Variants in KCNJ18 observed in about 807,000 individuals in gnomAD.
The protein encoded by KCNJ18 is potassium inwardly rectifying channel subfamily J member 18.
Under a neutral mutation model 17.3 loss-of-function variants are expected in KCNJ18, and 16 were observed. The ratio of observed to expected loss-of-function variants is 0.92; its 90% confidence interval spans 0.62 to 1.40. KCNJ18 has a LOEUF of 1.40. Ranked by LOEUF, KCNJ18 falls within the 40% of genes most tolerant of loss-of-function variation. The probability of loss-of-function intolerance (pLI) is 0.00; values close to 1 mark genes in which losing one functional copy is unlikely to be tolerated. For missense variants in KCNJ18, 462 were observed against 626.8 expected (o/e 0.74, Z 2.81); for synonymous variants, 185 against 262.6 (o/e 0.70, Z 2.86).
chr17:21,694,912 C>A (rs1302085598), intron 1 of KCNJ18, among the ~76,000 whole-genome samples: 1 of 152,162 alleles, frequency 6.6e-6, no homozygotes, highest in African/African-American at 2.4e-5. Flanking sequence ...TCCCTCTATC[C>A]ATTCACTTCT....
intron 2 of KCNJ18, among the ~76,000 whole-genome samples, chr17:21,696,893 A>C (rs1232742825): frequency 6.6e-6 from 1 of 152,176 alleles, no homozygotes; most frequent in Admixed American, 6.5e-5. Context: ...GTTCCAGCGC[A>C]AGTAGTTTCC....
At chr17:21,700,220 G>A (rs1300259799) in intron 2 of KCNJ18, among the ~76,000 whole-genome samples, 1 of 148,528 alleles carries the variant, frequency 6.7e-6, no homozygotes, top group Non-Finnish European at 1.5e-5. Context: ...GGGGAAGGAC[G>A]GCAGAGTAAG....
chr17:21,702,347 T>C (rs1368963747), intron 2 of KCNJ18, among the ~76,000 whole-genome samples: 1 of 152,016 alleles, frequency 6.6e-6, no homozygotes, highest in Non-Finnish European at 1.5e-5. Flanking sequence ...CCACAGGCCC[T>C]CTGTGGCTGC....
Position 21,702,968 on chromosome 17 carries a change from A to T in KCNJ18, c.182A>T (p.Asp61Val), listed in dbSNP as rs1906017958. 3 of 1,596,066 alleles carry T rather than the reference A, an allele frequency of 1.9e-6. No homozygotes were observed. Among genetic ancestry groups the T allele is most frequent in the Non-Finnish European group, 2.6e-6 (3 of 1,173,144 alleles). The change falls in exon 3 of 3, where the codon GAC becomes GTC. Residue 61 changes from aspartate (D) to valine (V), a missense_variant. By Grantham distance (152) the Asp-to-Val change is radical. Coordinates refer to ENST00000567955, the MANE Select transcript of KCNJ18 (RefSeq NM_001194958.2). ...TGCAACATTGCGTTCGCCAACATGG[A>T]CGAGAAGTCACAGCGCTACCTGGCT... ...GQCNIAFANM[D>V]EKSQRYLADM... is the part of the protein sequence containing the mutation.
chr17:21,699,960 C>T (rs1330879508), intron 2 of KCNJ18, among the ~76,000 whole-genome samples: 688 of 152,362 alleles, frequency 4.5e-3, no homozygotes, highest in Non-Finnish European at 7.7e-3. Flanking sequence ...CCCTCAAGGC[C>T]CCTGGGCCAC....
intron 2 of KCNJ18, among the ~76,000 whole-genome samples, chr17:21,699,200 C>A (rs1905858479): frequency 6.6e-6 from 1 of 152,212 alleles, no homozygotes; most frequent in Non-Finnish European, 1.5e-5. Context: ...CATGTCTTGT[C>A]TGATTTCACT....
At position 21,702,220 on chromosome 17, in the gene KCNJ18, C is replaced by T. The variant is rs1235489803; in HGVS notation, c.-56-511C>T. Among the ~76,000 whole-genome samples, 592 of 151,834 alleles carry T rather than the reference C, an allele frequency of 3.9e-3. 5 individuals are homozygous for T. The highest frequency in any genetic ancestry group is 0.01 in the Middle Eastern group (3 of 294). ...AGGGGCTGTGGCTGGATGGGGAGTC[C>T]GCTGGAGGAGGCTGGGAGGTGAAGT... On this transcript the variant is annotated intron_variant, in intron 2 of 2. Transcript: ENST00000567955.
At chr17:21,697,733 G>A (rs1172600005) in intron 2 of KCNJ18, among the ~76,000 whole-genome samples, 4 of 152,310 alleles carry the variant, frequency 2.6e-5, no homozygotes, top group Non-Finnish European at 4.4e-5. Context: ...CCTATGTGAT[G>A]GAGCAAGGGC....
Position 21,702,823 on chromosome 17 carries a change from G to A in KCNJ18, c.37G>A (p.Val13Met), listed in dbSNP as rs1311454656. The change falls in exon 3 of 3, where the codon GTG (valine) becomes ATG (methionine). Residue 13 changes from valine to methionine, a missense_variant. Val to Met is a conservative substitution (Grantham distance 21). Coordinates refer to ENST00000567955, the MANE Select transcript of KCNJ18 (RefSeq NM_001194958.2). Reference protein sequence around the residue: ...AASRANPYSIVSLEEDGLHLV... With the variant: ...AASRANPYSIMSLEEDGLHLV... ...CAGCCGGGCCAACCCCTACAGCATC[G>A]TGTCATTGGAGGAGGACGGGCTGCA... is the stretch of plus-strand genomic sequence containing the variant. The A allele has an allele frequency of 2.1e-5, 33 of 1,594,126 alleles. No homozygotes were observed. The highest frequency in any genetic ancestry group is 9.0e-5 in the East Asian group (4 of 44,392).
At chr17:21,698,866 T>C (rs1213928595) in intron 2 of KCNJ18, among the ~76,000 whole-genome samples, 2 of 152,242 alleles carry the variant, frequency 1.3e-5, no homozygotes, top group Non-Finnish European at 2.9e-5. Flanking sequence ...GCCCGCGCTC[T>C]CTCCCCACTG....
intron 1 of KCNJ18, among the ~76,000 whole-genome samples, chr17:21,694,867 C>A (rs1275872220): frequency 7.2e-5 from 11 of 152,196 alleles, no homozygotes; most frequent in South Asian, 2.1e-4. Context: ...GTTCATCCAC[C>A]CACTCAACCA....
chr17:21,699,257 G>A (rs1905859782), intron 2 of KCNJ18, among the ~76,000 whole-genome samples: 1 of 152,172 alleles, frequency 6.6e-6, no homozygotes, highest in Non-Finnish European at 1.5e-5. Flanking sequence ...TGTGTCCCTG[G>A]TGGAGGATAT....
chr17:21,702,668 G>A (rs1597757905), intron 2 of KCNJ18, 63 bp from the exon 3 acceptor site: 3 of 1,118,168 alleles, frequency 2.7e-6, no homozygotes, highest in East Asian at 2.6e-5. Flanking sequence ...GGGGGCCCTG[G>A]GATGGGGGTA....
At chr17:21,699,009 C>T (rs1371217488) in intron 2 of KCNJ18, among the ~76,000 whole-genome samples, 5 of 152,256 alleles carry the variant, frequency 3.3e-5, no homozygotes, top group Middle Eastern at 3.4e-3. Flanking sequence ...CAGGCCAACC[C>T]CGGTGTCTGT....
chr17:21,699,891 C>T (rs1905885226), intron 2 of KCNJ18, among the ~76,000 whole-genome samples: 1 of 152,272 alleles, frequency 6.6e-6, no homozygotes, highest in Non-Finnish European at 1.5e-5. Context: ...TGATTCTGTT[C>T]CTTGCAGGCT....
At position 21,703,197 on chromosome 17, in the gene KCNJ18, C is replaced by A; in HGVS notation, c.411C>A (p.Ser137=). Residue 137 remains serine, a synonymous_variant, in exon 3 of 3, where the codon TCC becomes TCA. Transcript: ENST00000567955. ...VHGFMAAFLF[S]IETQTTIGYG... ...GCTTCATGGCGGCCTTCCTCTTCTC[C>A]ATCGAGACGCAGACCACCATCGGCT... 1 of 1,609,718 alleles carries A rather than the reference C, an allele frequency of 6.2e-7. No individual in the cohort carries two copies. Among genetic ancestry groups the A allele is most frequent in the Non-Finnish European group, 8.5e-7 (1 of 1,178,814 alleles).
rs1905749547 is a variant in KCNJ18, at chr17:21,696,028, G to GA, written c.-133_-132insA. On this transcript the variant is annotated 5_prime_UTR_variant, in exon 2 of 3. The change creates a premature stop within an existing upstream ORF in the 5' untranslated region. Transcript: ENST00000567955. ...CTTTCCAGCTGGTGCCTGGGAAATG[G>GA]CAGCCACTACTAATTCAGCCTTGAA... The GA allele has an allele frequency of 6.6e-6, 1 of 152,412 alleles. No individual in the cohort carries two copies. The highest frequency in any genetic ancestry group is 1.5e-5 in the Non-Finnish European group (1 of 68,164). 9.4% of individuals were successfully genotyped at this position (152,412 alleles called of 1,614,324 possible). A position where few individuals can be genotyped will look rare whatever the true frequency, so the allele number is the denominator to read the frequency against.
chr17:21,699,489 T>TCACA (rs1371885091), intron 2 of KCNJ18, among the ~76,000 whole-genome samples: 1 of 151,910 alleles, frequency 6.6e-6, no homozygotes, highest in Non-Finnish European at 1.5e-5. Context: ...TCTCTCTCTC[T>TCACA]CTCACACACA....
At chr17:21,700,695 C>T (rs1905921453) in intron 2 of KCNJ18, among the ~76,000 whole-genome samples, 1 of 96,976 alleles carries the variant, frequency 1.0e-5, no homozygotes, top group Admixed American at 1.2e-4. Flanking sequence ...TTGCTGCCTC[C>T]TGCCTATGGG....
Sources: allele counts gnomAD v4.1 joint callset (sites outside exome capture counted in the v4.1 genomes callset), GRCh38; gene constraint gnomAD v4.1.1; transcripts MANE v1.5; gene names NCBI Gene and HGNC (gene_info 2026-07-23, HGNC 2026-07-21).